The following GLI1 variants were observed in gnomAD, a reference collection of about 807,000 sequenced individuals.
GLI1 encodes the protein GLI family zinc finger 1.
GLI1 carries 51 observed loss-of-function variants against 87.8 expected under a neutral mutation model. That is an observed-to-expected ratio of 0.58 (90% confidence interval 0.46 to 0.73). The LOEUF (loss-of-function observed/expected upper bound fraction) is 0.73. GLI1 is among the 30% of genes least tolerant of loss of function. GLI1 has a pLI of 0.00. For synonymous variants in GLI1, 528 were observed against 558.2 expected (o/e 0.95, Z 0.76); for missense variants, 1,292 against 1,437.2 (o/e 0.90, Z 1.63).
At chr12:57,463,543 G>A (rs1330204448) in intron 1 of GLI1, 122 bp from the exon 2 acceptor site, 3 of 665,616 alleles carry the variant, frequency 4.5e-6, no homozygotes, top group Non-Finnish European at 8.3e-6. Context: ...CTCGAATTCC[G>A]TGGCAGATGT....
rs1408929307 is a variant in GLI1 at position 57,462,597 on chromosome 12, CAG to C, written c.-27-1065_-27-1064del. ...GATCACATTGTTTTTTTCATTCTCT[CAG>C]AGTCTCCCCTCATACTTCCTTTCCT... On this transcript the variant is annotated intron_variant, in intron 1 of 11. Coordinates refer to ENST00000228682, the MANE Select transcript of GLI1 (RefSeq NM_005269.3). Among the ~76,000 whole-genome samples the C allele has an allele frequency of 2.6e-5, 4 of 152,328 alleles. No individual in the cohort carries two copies. In the East Asian group the frequency reaches 5.8e-4, roughly 22 times the overall value.
rs781683841 is a variant in GLI1 at position 57,469,666 on chromosome 12, G to A, written c.1544G>A (p.Arg515Gln). The A allele has an allele frequency of 1.4e-5, 23 of 1,613,738 alleles. No homozygotes were observed. The highest frequency in any genetic ancestry group is 2.2e-5 in the East Asian group (1 of 44,904). The change falls in exon 11 of 12, where the codon CGG (arginine) becomes CAG (glutamine). Residue 515 changes from arginine (R) to glutamine (Q), a missense_variant. By Grantham distance (43) the Arg-to-Gln change is conservative. This residue lies in a region of GLI1 where 897 missense variants were observed against 1,040.7 expected (regional missense o/e 0.86). Transcript: ENST00000228682. ...QLHQLRPIGT[R>Q]GLKLPSLSHT... ...CATCAACTCCGGCCAATAGGGACCC[G>A]GGGTCTCAAACTGCCCAGCTTGTCC...
chr12:57,470,580 G>T lies in GLI1; in HGVS notation c.1840G>T (p.Gly614Cys), dbSNP rs1871822181. The change falls in exon 12 of 12, where the codon GGT becomes TGT. Residue 614 changes from glycine (G) to cysteine (C), a missense_variant. Gly to Cys is a radical substitution (Grantham distance 159). Transcript: ENST00000228682. The stretch of plus-strand genomic sequence containing the variant: ...AGCATCCAGCCTGGATCGGATAGGT[G>T]GTCTTCCCATGCCTCCTTGGAGAAG... ...TAASSLDRIGGLPMPPWRSRA... is the reference protein window; with the variant it reads ...TAASSLDRIGCLPMPPWRSRA... 1.9e-6 allele frequency: 3 copies of T among 1,614,100 alleles called. No individual in the cohort carries two copies. The East Asian group carries it at 6.7e-5, about 36-fold the overall frequency.
At position 57,470,661 on chromosome 12, in the gene GLI1, G is replaced by T. The variant is rs763500947; in HGVS notation, c.1921G>T (p.Asp641Tyr). 1.2e-5 allele frequency: 19 copies of T among 1,613,576 alleles called. No individual in the cohort carries two copies. The highest frequency in any genetic ancestry group is 3.4e-6 in the Non-Finnish European group (4 of 1,179,878). ...TGCAGGGGTCACCCGGAGGGCCAGT[G>T]ACCCAGCCCAGGCTGCTGACCGTCC... ...PNAGVTRRAS[D>Y]PAQAADRPAP... The change falls in exon 12 of 12, where the codon GAC (aspartate) becomes TAC (tyrosine). Residue 641 changes from aspartate (D) to tyrosine (Y), a missense_variant. By Grantham distance (160) the Asp-to-Tyr change is radical. Around this residue, in one of 3 missense-constraint regions of GLI1, gnomAD observed 897 missense variants for 1,040.7 expected, o/e 0.86. Transcript: ENST00000228682.
Position 57,471,670 on chromosome 12 carries a change from G to A in GLI1, c.2930G>A (p.Gly977Glu). ...CCATGCCATGAAAATTTTGTAGTGG[G>A]GGCAAATAGGGCTTCACATAGGGCA... Reference protein sequence around the residue: ...PSPCHENFVVGANRASHRAAA... With the variant: ...PSPCHENFVVEANRASHRAAA... The change falls in exon 12 of 12, where the codon GGG becomes GAG. Residue 977 changes from glycine to glutamate, a missense_variant. Physicochemically the swap from Gly to Glu is moderately conservative, Grantham distance 98 (BLOSUM62 -2). Around this residue, in one of 3 missense-constraint regions of GLI1, gnomAD observed 897 missense variants for 1,040.7 expected, o/e 0.86. Transcript: ENST00000228682. This position sits in a 1 kb window ranked among gnomAD's most constrained non-coding sequence, Gnocchi z 4.9. 2 of 1,609,954 alleles carry A rather than the reference G, an allele frequency of 1.2e-6. No homozygotes were observed. The highest frequency in any genetic ancestry group is 1.7e-6 in the Non-Finnish European group (2 of 1,178,008).
Position 57,471,602 on chromosome 12 carries a change from C to T in GLI1, c.2862C>T (p.Pro954=). Residue 954 remains proline, a synonymous_variant, in exon 12 of 12, where the codon CCC becomes CCT. Transcript: ENST00000228682. This position sits in a 1 kb window ranked among gnomAD's most constrained non-coding sequence, Gnocchi z 4.9. ...ACACATATGGACCTGGCTTTGGACC[C>T]AACTTGCCCAATCACAAGTCAGGTT... is the stretch of plus-strand genomic sequence containing the variant. ...PVNTYGPGFG[P]NLPNHKSGSY... is the part of the protein sequence containing the mutation. 1 of 1,613,752 alleles carries T rather than the reference C, an allele frequency of 6.2e-7. No homozygotes were observed.
Position 57,465,145 on chromosome 12 carries a change from CA to C in GLI1, c.429del (p.Ser146ArgfsTer19). On this transcript the variant is annotated frameshift_variant, in exon 5 of 12. Coordinates refer to ENST00000228682, the MANE Select transcript of GLI1 (RefSeq NM_005269.3). LOFTEE classifies it high-confidence loss of function. ...SLGFPAQMNH[Q>X]KGPSPSFGVQ... ...GGGATTCCCAGCCCAGATGAATCAC[CA>C]AAAAGGGCCCTCGCCTTCCTTTGGG... The C allele has an allele frequency of 1.2e-6, 2 of 1,614,104 alleles. No individual in the cohort carries two copies. Among genetic ancestry groups the C allele is most frequent in the South Asian group, 1.1e-5 (1 of 91,086 alleles).
Position 57,469,607 on chromosome 12 carries a change from T to TCGC in GLI1, c.1490_1492dup (p.Arg497dup). The TCGC allele has an allele frequency of 6.2e-7, 1 of 1,614,138 alleles. No homozygotes were observed. The highest frequency in any genetic ancestry group is 8.5e-7 in the Non-Finnish European group (1 of 1,180,020). ...TTGCTGGCACTGGTCTGTCCACTCT[T>TCGC]CGCCGCCTTGAGAACCTCAGGCTGG... On this transcript the variant is annotated inframe_insertion, in exon 11 of 12. Transcript: ENST00000228682.
Position 57,464,668 on chromosome 12 carries a change from C to T in GLI1, c.194-5C>T, listed in dbSNP as rs898721440. 1 of 1,612,118 alleles carries T rather than the reference C, an allele frequency of 6.2e-7. No homozygotes were observed. The highest frequency in any genetic ancestry group is 1.7e-5 in the Admixed American group (1 of 59,974). Reference sequence around the variant, plus strand: ...CATATCCGTCTCCGCTGTCTCCTGCCCCAGGCCCACTCTTTTCTTCTCCCC... The same window carrying T: ...CATATCCGTCTCCGCTGTCTCCTGCTCCAGGCCCACTCTTTTCTTCTCCCC... On this transcript the variant is annotated splice_region_variant and splice_polypyrimidine_tract_variant and intron_variant, in intron 3 of 11. Coordinates refer to ENST00000228682, the MANE Select transcript of GLI1 (RefSeq NM_005269.3).
In GLI1 at chr12:57,471,441, T is replaced by C; in HGVS notation, c.2701T>C (p.Tyr901His). 1 of 1,613,842 alleles carries C rather than the reference T, an allele frequency of 6.2e-7. No homozygotes were observed. The highest frequency in any genetic ancestry group is 1.1e-5 in the South Asian group (1 of 91,076). ...GQLKAQLVCN[Y>H]VQSQQELLWE... Reference sequence around the variant, plus strand: ...GCTCAAGGCTCAGCTTGTGTGTAATTATGTTCAATCTCAACAGGAGCTACT... The same window carrying C: ...GCTCAAGGCTCAGCTTGTGTGTAATCATGTTCAATCTCAACAGGAGCTACT... Residue 901 changes from tyrosine to histidine, a missense_variant, in exon 12 of 12, where the codon TAT becomes CAT. By Grantham distance (83) the Tyr-to-His change is moderately conservative. This residue lies in a region of GLI1 where 897 missense variants were observed against 1,040.7 expected (regional missense o/e 0.86). Transcript: ENST00000228682. This position sits in a 1 kb window ranked among gnomAD's most constrained non-coding sequence, Gnocchi z 4.9.
In GLI1 at chr12:57,472,087, GA is replaced by G; in HGVS notation, c.*27del. 1 of 1,427,936 alleles carries G rather than the reference GA, an allele frequency of 7.0e-7. No homozygotes were observed. Among genetic ancestry groups the G allele is most frequent in the Non-Finnish European group, 9.4e-7 (1 of 1,067,890 alleles). The allele number at this position is 1,427,936 out of a possible 1,614,324, so 88.5% of individuals were successfully genotyped here. A position where few individuals can be genotyped will look rare whatever the true frequency, so the allele number is the denominator to read the frequency against. On this transcript the variant is annotated 3_prime_UTR_variant, in exon 12 of 12. Coordinates refer to ENST00000228682, the MANE Select transcript of GLI1 (RefSeq NM_005269.3). ...AGAGTAGGGAATCTCATCCATCACA[GA>G]TCGCATTTCCTAAGGGGTTTCTATC...
chr12:57,465,303 T>G, intron 5 of GLI1, 48 bp downstream of exon 5: 8 of 1,358,106 alleles, frequency 5.9e-6, no homozygotes, highest in Admixed American at 2.0e-5. Flanking sequence ...TCAGGGTGGG[T>G]GGGTGGTGGA....
chr12:57,471,085 A>C lies in GLI1; in HGVS notation c.2345A>C (p.Glu782Ala). 1 of 1,613,384 alleles carries C rather than the reference A, an allele frequency of 6.2e-7. No homozygotes were observed. The highest frequency in any genetic ancestry group is 8.5e-7 in the Non-Finnish European group (1 of 1,179,740). The change falls in exon 12 of 12, where the codon GAG becomes GCG. Residue 782 changes from glutamate to alanine, a missense_variant. Transcript: ENST00000228682. This position sits in a 1 kb window ranked among gnomAD's most constrained non-coding sequence, Gnocchi z 4.9. ...YPDPTQETWG[E>A]FPSHSGLYPG... ...GACCCCACCCAAGAAACATGGGGTG[A>C]GTTCCCTTCCCACTCTGGGCTGTAC...
In GLI1 at chr12:57,469,538, G is replaced by C; in HGVS notation, c.1416G>C (p.Gly472=). 6.2e-7 allele frequency: 1 copy of C among 1,614,214 alleles called. No homozygotes were observed. The highest frequency in any genetic ancestry group is 8.5e-7 in the Non-Finnish European group (1 of 1,180,028). The stretch of plus-strand genomic sequence containing the variant: ...GTGTGGAAATGACTGGCAATGCAGG[G>C]GGCAGCACTGAAGACCTCTCCAGCT... The part of the protein sequence containing the change: ...DSGVEMTGNA[G]GSTEDLSSLD... The change falls in exon 11 of 12, where the codon GGG becomes GGC. Residue 472 remains glycine, a synonymous_variant. Coordinates refer to ENST00000228682, the MANE Select transcript of GLI1 (RefSeq NM_005269.3).
rs753107628 is a variant in GLI1 at position 57,463,686 on chromosome 12, G to T, written c.-6G>T. Reference sequence around the variant, plus strand: ...GCAGTGTCCCCACACCCTCCTCTGAGACGCCATGTTCAACTCGATGACCCC... The same window carrying T: ...GCAGTGTCCCCACACCCTCCTCTGATACGCCATGTTCAACTCGATGACCCC... On this transcript the variant is annotated 5_prime_UTR_variant, in exon 2 of 12. Coordinates refer to ENST00000228682, the MANE Select transcript of GLI1 (RefSeq NM_005269.3). 4.4e-6 allele frequency: 7 copies of T among 1,590,300 alleles called. No homozygotes were observed. In the African/African-American group the frequency reaches 5.4e-5, roughly 12 times the overall value.
In GLI1 at chr12:57,472,161, A is replaced by G; in HGVS notation, c.*100A>G. ...TGCAGTCCCATGCACAAGATGCCCC[A>G]GGGATGGGAGGTATGGGCTGGGGGC... On this transcript the variant is annotated 3_prime_UTR_variant, in exon 12 of 12. Transcript: ENST00000228682. 2.6e-6 allele frequency: 2 copies of G among 770,178 alleles called. No homozygotes were observed. The highest frequency in any genetic ancestry group is 4.0e-6 in the Non-Finnish European group (2 of 501,914). 47.7% of individuals were successfully genotyped at this position (770,178 alleles called of 1,614,324 possible).
intron 3 of GLI1, 126 bp from the exon 4 acceptor site, chr12:57,464,547 C>A: frequency 6.5e-6 from 4 of 618,238 alleles, no homozygotes; most frequent in Non-Finnish European, 8.4e-6. Flanking sequence ...AAAAAAGTCA[C>A]AGATAGCATC....
In GLI1 at chr12:57,464,842, C is replaced by CGTAG; in HGVS notation, c.364_365insTAGG (p.Gly122ValfsTer38). 2 of 1,613,734 alleles carry CGTAG rather than the reference C, an allele frequency of 1.2e-6. No individual in the cohort carries two copies. The highest frequency in any genetic ancestry group is 1.7e-6 in the Non-Finnish European group (2 of 1,179,600). On this transcript the variant is annotated frameshift_variant, in exon 4 of 12. Coordinates refer to ENST00000228682, the MANE Select transcript of GLI1 (RefSeq NM_005269.3). LOFTEE classifies it high-confidence loss of function. ...GATGCACATCTCCAGGAGGCTCCTA[C>CGTAG]GGTCATCTCTCCATTGGCACCATGA...
intron 3 of GLI1, 44 bp downstream of exon 3, chr12:57,464,135 A>G: frequency 7.9e-7 from 1 of 1,268,838 alleles, no homozygotes; most frequent in Non-Finnish European, 1.2e-6. Context: ...CCCCTCTCTG[A>G]CTTGTTCTGA....
Sources: allele counts gnomAD v4.1 joint callset (sites outside exome capture counted in the v4.1 genomes callset), GRCh38; gene constraint gnomAD v4.1.1; regional missense constraint gnomAD v4.1.1; non-coding constraint Gnocchi (gnomAD v3.1); transcripts MANE v1.5; gene names NCBI Gene and HGNC (gene_info 2026-07-23, HGNC 2026-07-21).